The following KIF15 variants were observed in gnomAD, a reference collection of about 807,000 sequenced individuals.
KIF15 encodes the protein kinesin-like protein KIF15.
In KIF15, 140 loss-of-function variants were observed where a neutral mutation model predicts 190.6. The ratio of observed to expected loss-of-function variants is 0.73; its 90% CI spans 0.64 to 0.84. The LOEUF (loss-of-function observed/expected upper bound fraction) is 0.84, where lower values mean the gene tolerates loss of function less well. Among genes scored for constraint, KIF15 ranks in the 40% least tolerant of loss-of-function variants. KIF15 has a pLI of 0.00. For missense variants in KIF15, 1,372 were observed against 1,584.4 expected (o/e 0.87, Z 2.28); for synonymous variants, 528 against 551.3 (o/e 0.96, Z 0.59).
rs758796651 is a variant in KIF15, at chr3:44,851,771, T to A, written c.3807-16T>A. ...GTTTCTTTCAAATACTATAAAGTGA[T>A]AACCTATTCCTACAGCCTAGAAGAA... On this transcript the variant is annotated splice_polypyrimidine_tract_variant and intron_variant, in intron 32 of 34. Coordinates refer to ENST00000326047, the MANE Select transcript of KIF15 (RefSeq NM_020242.3). The A allele has an allele frequency of 1.3e-6, 2 of 1,595,694 alleles. No homozygotes were observed. The highest frequency in any genetic ancestry group is 1.7e-5 in the Admixed American group (1 of 57,202).
chr3:44,817,317 T>C (rs1014520742), intron 20 of KIF15, among the ~76,000 whole-genome samples: 27 of 152,346 alleles, frequency 1.8e-4, no homozygotes, highest in African/African-American at 6.5e-4. Context: ...TCTTTGCCCA[T>C]GCGTATGTCT....
At chr3:44,858,199 T>C (rs1341346293), downstream of KIF15, among the ~76,000 whole-genome samples, 1 of 152,094 alleles carries the variant, frequency 6.6e-6, no homozygotes, top group Non-Finnish European at 1.5e-5. Flanking sequence ...GAGGAAGGTA[T>C]TGAGGACTAA....
chr3:44,782,778 A>T (rs1706227642), intron 5 of KIF15, among the ~76,000 whole-genome samples: 1 of 152,210 alleles, frequency 6.6e-6, no homozygotes, highest in South Asian at 2.1e-4. Flanking sequence ...TTACAGGCAG[A>T]GGAACAGCAG....
chr3:44,813,080 C>G lies in KIF15; in HGVS notation c.2283C>G (p.Phe761Leu). Residue 761 changes from phenylalanine (F) to leucine (L), a missense_variant, in exon 19 of 35, where the codon TTC (phenylalanine) becomes TTG (leucine). Transcript: ENST00000326047. ...ATTTATCTTTTTTCCCAAAGCTTTT[C>G]TCATCAGAAAGAATTGATTGGACCA... ...EHHSTQMQEL[F>L]SSERIDWTKQ... 1 of 1,576,748 alleles carries G rather than the reference C, an allele frequency of 6.3e-7. No homozygotes were observed.
At chr3:44,778,087 A>G (rs754501924) in intron 3 of KIF15, 28 bp from the exon 4 acceptor site, 5 of 1,578,632 alleles carry the variant, frequency 3.2e-6, no homozygotes, top group African/African-American at 2.7e-5. Flanking sequence ...TTTTTATGAT[A>G]TGTTAACATG....
intron 7 of KIF15, among the ~76,000 whole-genome samples, chr3:44,791,744 G>C (rs906968603): frequency 1.3e-5 from 2 of 152,122 alleles, no homozygotes; most frequent in Non-Finnish European, 2.9e-5. Flanking sequence ...TGGAGACCAA[G>C]TCTCGCTGTT....
intron 33 of KIF15, 105 bp downstream of exon 33, chr3:44,852,057 G>A (rs1575695187): frequency 2.1e-6 from 3 of 1,447,082 alleles, no homozygotes; most frequent in Non-Finnish European, 2.8e-6. Context: ...GTTCAGAGTT[G>A]CTTTATTGTA....
intron 7 of KIF15, among the ~76,000 whole-genome samples, chr3:44,791,244 C>T (rs1430812217): frequency 6.6e-6 from 1 of 151,900 alleles, no homozygotes; most frequent in Admixed American, 6.6e-5. Context: ...TATTACATTG[C>T]CTTTGCATCT....
chr3:44,764,787 CCA>C (rs926672658), intron 1 of KIF15, among the ~76,000 whole-genome samples: 11 of 152,148 alleles, frequency 7.2e-5, no homozygotes, highest in Non-Finnish European at 1.6e-4. Context: ...CAGGCAACCA[CCA>C]CCAAGCCTGG....
rs141481806 is a variant in KIF15, at chr3:44,797,377, G to A, written c.850-174G>A. On this transcript the variant is annotated intron_variant, in intron 8 of 34. Coordinates refer to ENST00000326047, the MANE Select transcript of KIF15 (RefSeq NM_020242.3). ...TTACAGTGTACATCAAATAGGAAAA[G>A]GTTAGGGATAGTTCAGCACTTCTTT... Among the ~76,000 whole-genome samples the A allele has an allele frequency of 3.8e-3, 585 of 152,234 alleles. 2 individuals are homozygous for A. Among genetic ancestry groups the A allele is most frequent in the African/African-American group, 0.013 (550 of 41,538 alleles).
intron 6 of KIF15, among the ~76,000 whole-genome samples, chr3:44,860,124 G>A (rs1699224064): frequency 1.3e-5 from 2 of 152,166 alleles, no homozygotes; most frequent in African/African-American, 4.8e-5. Flanking sequence ...TACAGAGGAG[G>A]TGGCTCTGAG....
chr3:44,858,669 G>C (rs778023778), intron 6 of KIF15, among the ~76,000 whole-genome samples: 1 of 152,230 alleles, frequency 6.6e-6, no homozygotes, highest in African/African-American at 2.4e-5. Context: ...AACTGGGCAA[G>C]TGGGGATAAC....
At chr3:44,829,604 A>ATTATATATG (rs1697924887) in intron 24 of KIF15, among the ~76,000 whole-genome samples, 1 of 32,234 alleles carries the variant, frequency 3.1e-5, no homozygotes, top group African/African-American at 1.2e-4. Context: ...TTATATATGC[A>ATTATATATG]TATATATTAT....
chr3:44,784,848 C>A lies in KIF15; in HGVS notation c.365C>A (p.Pro122Gln). 2.0e-6 allele frequency: 3 copies of A among 1,498,908 alleles called. No individual in the cohort carries two copies. The highest frequency in any genetic ancestry group is 2.3e-5 in the East Asian group (1 of 43,096). The allele number at this position is 1,498,908 out of a possible 1,614,324, so 92.9% of individuals were successfully genotyped here. Residue 122 changes from proline (P) to glutamine (Q), a missense_variant, in exon 6 of 35, where the codon CCA becomes CAA. Physicochemically the swap from Pro to Gln is moderately conservative, Grantham distance 76 (BLOSUM62 -1). Transcript: ENST00000326047. Reference sequence around the variant, plus strand: ...GTTTTTTTTTTCATTTTTTTAGGACCATCTGAATCTGATAATTTTTCTCAT... The same window carrying A: ...GTTTTTTTTTTCATTTTTTTAGGACAATCTGAATCTGATAATTTTTCTCAT... ...GSGKTFTMMG[P>Q]SESDNFSHNL... is the part of the protein sequence containing the mutation.
chr3:44,847,283 G>T (rs908428547), intron 30 of KIF15, among the ~76,000 whole-genome samples: 1 of 152,176 alleles, frequency 6.6e-6, no homozygotes, highest in Admixed American at 6.5e-5. Flanking sequence ...ATTCAGGAAG[G>T]TTCTCCAAGG....
In KIF15 at chr3:44,847,676, G is replaced by T. The variant is rs144762938; in HGVS notation, c.3696-309G>T. 5.3e-4 allele frequency among the ~76,000 whole-genome samples: 80 copies of T among 152,288 alleles called. No individual in the cohort carries two copies. In the East Asian group the frequency reaches 0.013, roughly 24 times the overall value. On this transcript the variant is annotated intron_variant, in intron 30 of 34. Transcript: ENST00000326047. ...CCCTTTTGTTCACATTCGATCTTCA[G>T]ATGTTACCACTTTTAACTAAGTTTC...
intron 20 of KIF15, among the ~76,000 whole-genome samples, chr3:44,823,369 C>G (rs1036751488): frequency 2.6e-5 from 4 of 152,142 alleles, no homozygotes; most frequent in Non-Finnish European, 4.4e-5. Flanking sequence ...GCTGCCTGAT[C>G]CTTCCTCTGG....
intron 6 of KIF15, chr3:44,865,367 C>T (rs1331478675): frequency 6.7e-6 from 5 of 745,598 alleles, no homozygotes; most frequent in South Asian, 1.8e-5. Flanking sequence ...AGTGTTCTAC[C>T]GGAAGTGTTT....
In KIF15 at chr3:44,829,971, A is replaced by C. The variant is rs1247371807; in HGVS notation, c.2944A>C (p.Lys982Gln). 1.3e-6 allele frequency: 2 copies of C among 1,558,366 alleles called. No individual in the cohort carries two copies. The highest frequency in any genetic ancestry group is 1.7e-6 in the Non-Finnish European group (2 of 1,156,564). The change falls in exon 25 of 35, where the codon AAA (lysine) becomes CAA (glutamine). Residue 982 changes from lysine to glutamine, a missense_variant and splice_region_variant. Physicochemically the swap from Lys to Gln is moderately conservative, Grantham distance 53 (BLOSUM62 1). Coordinates refer to ENST00000326047, the MANE Select transcript of KIF15 (RefSeq NM_020242.3). ...AAGATATTATTTCTGTCCTCATCAGAAAGTTGTAGCTGACCTCATGAACCA... is the reference window on the plus strand; with the variant it reads ...AAGATATTATTTCTGTCCTCATCAGCAAGTTGTAGCTGACCTCATGAACCA... ...SLEKSRDSDKKVVADLMNQIQ... is the reference protein window; with the variant it reads ...SLEKSRDSDKQVVADLMNQIQ...
Sources: gnomAD v4.1 joint callset for allele counts (sites outside exome capture counted in the v4.1 genomes callset) on GRCh38, gnomAD v4.1.1 for gene constraint, MANE v1.5 for transcripts, NCBI Gene and HGNC (gene_info 2026-07-23, HGNC 2026-07-21) for gene names.